The following RPH3A variants were observed in gnomAD, a reference collection of about 807,000 sequenced individuals.
RPH3A encodes the protein rabphilin-3A.
Under a neutral mutation model 102.2 loss-of-function variants are expected in RPH3A, and 48 were observed. That is an observed-to-expected ratio of 0.47 (90% CI 0.37 to 0.60). The LOEUF is 0.60. Among genes scored for constraint, RPH3A ranks in the 20% least tolerant of loss-of-function variants. The pLI is 0.00. For synonymous variants in RPH3A, 310 were observed against 324.3 expected (o/e 0.96, Z 0.47); for missense variants, 781 against 910.1 (o/e 0.86, Z 1.83).
intron 1 of RPH3A, among the ~76,000 whole-genome samples, chr12:112,749,079 T>A (rs1335977041): frequency 6.6e-6 from 1 of 152,128 alleles, no homozygotes; most frequent in East Asian, 1.9e-4. Context: ...TGAAAGGCAT[T>A]TGCATATGAT....
At chr12:112,863,709 A>G (rs776475782) in intron 5 of RPH3A, among the ~76,000 whole-genome samples, 6 of 152,262 alleles carry the variant, frequency 3.9e-5, no homozygotes, top group Non-Finnish European at 5.9e-5. Flanking sequence ...CACCTGTAAA[A>G]TGGCATAAAT....
intron 1 of RPH3A, among the ~76,000 whole-genome samples, chr12:112,716,257 G>A (rs2040512663): frequency 6.6e-6 from 1 of 152,122 alleles, no homozygotes; most frequent in African/African-American, 2.4e-5. Context: ...ATGCAGCCCA[G>A]TAGGTCTCAG....
At chr12:112,576,839 A>G (rs1289641247) in intron 1 of RPH3A, among the ~76,000 whole-genome samples, 2 of 149,860 alleles carry the variant, frequency 1.3e-5, no homozygotes, top group Non-Finnish European at 3.0e-5. Flanking sequence ...CCTCTTATAA[A>G]ACTTTTTTTT....
intron 1 of RPH3A, among the ~76,000 whole-genome samples, chr12:112,649,880 C>T (rs1053024547): frequency 6.6e-6 from 1 of 152,190 alleles, no homozygotes; most frequent in Non-Finnish European, 1.5e-5. Context: ...AGCTTTGCTA[C>T]GTGTGCACAC....
chr12:112,888,763 A>C (rs1426744461), intron 17 of RPH3A, among the ~76,000 whole-genome samples: 7 of 152,250 alleles, frequency 4.6e-5, no homozygotes, highest in African/African-American at 1.4e-4. Context: ...CCTCAGAATT[A>C]ACCGGGGGAT....
Position 112,755,293 on chromosome 12 carries a change from G to GTA in RPH3A, c.-139-36845_-139-36844dup, listed in dbSNP as rs538216124. Among the ~76,000 whole-genome samples, 849 of 121,482 alleles carry GTA rather than the reference G, an allele frequency of 7.0e-3. 4 individuals are homozygous for GTA. Among genetic ancestry groups the GTA allele is most frequent in the East Asian group, 0.061 (255 of 4,156 alleles). The allele number at this position is 121,482 out of a possible 152,430, so 79.7% of individuals were successfully genotyped here. A position where few individuals can be genotyped will look rare whatever the true frequency, so the allele number is the denominator to read the frequency against. On this transcript the variant is annotated intron_variant, in intron 1 of 21. Transcript: ENST00000543106. The stretch of plus-strand genomic sequence containing the variant: ...GATAAGTAAAATTGAATATATATAT[G>GTA]TATATACACACACACACACACACAC...
intron 1 of RPH3A, among the ~76,000 whole-genome samples, chr12:112,774,711 A>T (rs1170351185): frequency 1.3e-5 from 2 of 152,088 alleles, no homozygotes; most frequent in Non-Finnish European, 2.9e-5. Flanking sequence ...TCACTTAACA[A>T]GTGGGAGCTG....
At chr12:112,819,411 A>G (rs2041737999) in intron 2 of RPH3A, among the ~76,000 whole-genome samples, 1 of 152,148 alleles carries the variant, frequency 6.6e-6, no homozygotes, top group South Asian at 2.1e-4. Flanking sequence ...CTGATTAAGA[A>G]TAGGAATTTT....
chr12:112,645,020 G>C (rs745789003), intron 1 of RPH3A, among the ~76,000 whole-genome samples: 3 of 152,150 alleles, frequency 2.0e-5, no homozygotes, highest in Non-Finnish European at 2.9e-5. Context: ...TGCCAGAGAC[G>C]ATAAATTTTC....
intron 4 of RPH3A, among the ~76,000 whole-genome samples, chr12:112,844,152 C>T: frequency 6.6e-6 from 1 of 152,194 alleles, no homozygotes; most frequent in Admixed American, 6.5e-5. Context: ...TGCCCTGACC[C>T]TGGGTGTGGG....
intron 2 of RPH3A, among the ~76,000 whole-genome samples, chr12:112,827,469 G>A (rs1487766435): frequency 6.6e-6 from 1 of 152,152 alleles, no homozygotes; most frequent in African/African-American, 2.4e-5. Context: ...ATACTGGGCT[G>A]TTTCTACTTT....
chr12:112,640,882 C>G (rs771122062), intron 1 of RPH3A, among the ~76,000 whole-genome samples: 1 of 152,080 alleles, frequency 6.6e-6, no homozygotes, highest in Non-Finnish European at 1.5e-5. Flanking sequence ...CAGCATTTTC[C>G]CTCCTCCCCA....
intron 1 of RPH3A, among the ~76,000 whole-genome samples, chr12:112,743,089 T>G (rs2040721254): frequency 1.3e-5 from 2 of 152,226 alleles, no homozygotes; most frequent in African/African-American, 4.8e-5. Context: ...ACACTTGTGA[T>G]TACACTTAAA....
chr12:112,610,060 T>C lies in RPH3A; in HGVS notation c.-140+34741T>C, dbSNP rs921275246. Among the ~76,000 whole-genome samples the C allele has an allele frequency of 2.0e-5, 3 of 152,194 alleles. No individual in the cohort carries two copies. The South Asian group carries it at 6.2e-4, about 32-fold the overall frequency. The stretch of plus-strand genomic sequence containing the variant: ...CCTGCTCTCCCATCTCATCTTTTCC[T>C]GCTTCCTTTCTTCATCTCTACTCTC... On this transcript the variant is annotated intron_variant, in intron 1 of 21. Transcript: ENST00000543106.
chr12:112,885,013 A>G (rs867002649), intron 16 of RPH3A, among the ~76,000 whole-genome samples: 1 of 152,166 alleles, frequency 6.6e-6, no homozygotes, highest in South Asian at 2.1e-4. Flanking sequence ...AACATTTTAC[A>G]TGTGTATTCA....
intron 5 of RPH3A, among the ~76,000 whole-genome samples, chr12:112,848,656 G>A (rs570828265): frequency 2.0e-5 from 3 of 152,354 alleles, no homozygotes; most frequent in Non-Finnish European, 4.4e-5. Context: ...GGAGGGGAAA[G>A]TGGGGCTCAG....
chr12:112,727,504 C>A (rs2891407), intron 1 of RPH3A, among the ~76,000 whole-genome samples: 49,574 of 80,836 alleles, frequency 0.61, 16,281 homozygotes, highest in East Asian at 0.85. Context: ...CCCCCCCCCC[C>A]CACACACATA....
chr12:112,781,173 AAAAC>A (rs1424487237), intron 1 of RPH3A, among the ~76,000 whole-genome samples: 2 of 139,096 alleles, frequency 1.4e-5, no homozygotes, highest in African/African-American at 5.4e-5. Context: ...AAAACAAAAC[AAAAC>A]AAACAAAAAA....
intron 1 of RPH3A, among the ~76,000 whole-genome samples, chr12:112,614,956 T>C (rs2039667551): frequency 6.6e-6 from 1 of 151,956 alleles, no homozygotes; most frequent in Admixed American, 6.6e-5. Context: ...TGTATTATTA[T>C]TAATGCTAAT....
Sources: gnomAD v4.1 joint callset for allele counts (sites outside exome capture counted in the v4.1 genomes callset) on GRCh38, gnomAD v4.1.1 for gene constraint, MANE v1.5 for transcripts, NCBI Gene and HGNC (gene_info 2026-07-23, HGNC 2026-07-21) for gene names.